The following WDR59 variants were observed in gnomAD, a reference collection of about 807,000 sequenced individuals.
The protein encoded by WDR59 is WD repeat domain 59, also known as GATOR2 complex protein WDR59.
Under a neutral mutation model 131.2 loss-of-function variants are expected in WDR59, and 100 were observed. The observed-to-expected ratio is 0.76, with a 90% CI of 0.65 to 0.90. WDR59 has a LOEUF of 0.90. WDR59 is among the 40% of genes least tolerant of loss of function. The pLI is 0.00. For missense variants in WDR59, 1,203 were observed against 1,262.2 expected (o/e 0.95, Z 0.71); for synonymous variants, 601 against 466.2 (o/e 1.29, Z -3.72).
chr16:74,891,000 G>A (rs1856818502), intron 20 of WDR59, among the ~76,000 whole-genome samples: 1 of 151,646 alleles, frequency 6.6e-6, no homozygotes, highest in Admixed American at 6.6e-5. Flanking sequence ...TGTAGTCCCA[G>A]CTACTTGGGA....
chr16:74,886,236 T>C, intron 24 of WDR59, 34 bp downstream of exon 24: 1 of 1,590,680 alleles, frequency 6.3e-7, no homozygotes, highest in Non-Finnish European at 8.6e-7. Context: ...CCTGGAGTCC[T>C]GGCATTGCAG....
intron 10 of WDR59, 63 bp from the exon 11 acceptor site, chr16:74,918,071 T>A (rs1966480038): frequency 2.6e-6 from 4 of 1,523,598 alleles, no homozygotes; most frequent in East Asian, 2.3e-5. Context: ...TTGCTAGAGG[T>A]TGAAATGGAG....
chr16:74,915,957 C>A lies in WDR59; in HGVS notation c.1137G>T (p.Glu379Asp). 1 of 1,614,220 alleles carries A rather than the reference C, an allele frequency of 6.2e-7. No homozygotes were observed. Among genetic ancestry groups the A allele is most frequent in the Non-Finnish European group, 8.5e-7 (1 of 1,180,024 alleles). ...KEDPPRNLLE[E>D]RKSDQLGLPQ... ...GCAGCCCCAGTTGATCTGATTTCCT[C>A]TCTTCCAGGAGATTTCTAGGGGGAT... Residue 379 changes from glutamate to aspartate, a missense_variant, in exon 13 of 26, where the codon GAG becomes GAT. Glu to Asp is a conservative substitution (Grantham distance 45). Transcript: ENST00000262144.
intron 2 of WDR59, among the ~76,000 whole-genome samples, chr16:74,960,222 T>C (rs1448311091): frequency 1.3e-5 from 2 of 151,888 alleles, no homozygotes; most frequent in African/African-American, 2.4e-5. Context: ...TCCCAGTTAC[T>C]TGGGAGGCTG....
At chr16:74,930,193 A>G (rs969131803) in intron 8 of WDR59, among the ~76,000 whole-genome samples, 8 of 152,234 alleles carry the variant, frequency 5.3e-5, no homozygotes, top group Non-Finnish European at 4.4e-5. Context: ...CTGAAAGGGT[A>G]TGATTAGAAT....
intron 4 of WDR59, among the ~76,000 whole-genome samples, chr16:74,950,952 T>A (rs1328851661): frequency 6.8e-6 from 1 of 146,962 alleles, no homozygotes; most frequent in Non-Finnish European, 1.5e-5. Context: ...AGTTAGGAGT[T>A]CAAGACCAGC....
chr16:74,947,357 C>T (rs2032714107), intron 6 of WDR59, among the ~76,000 whole-genome samples: 1 of 151,956 alleles, frequency 6.6e-6, no homozygotes, highest in Admixed American at 6.6e-5. Flanking sequence ...GCCTGGGCAA[C>T]AAGAGCAAAA....
At chr16:74,880,959 AC>A (rs2144767271) in intron 25 of WDR59, among the ~76,000 whole-genome samples, 1 of 152,328 alleles carries the variant, frequency 6.6e-6, no homozygotes, top group Admixed American at 6.5e-5. Context: ...AATATACTGA[AC>A]CAGTAAACTG....
intron 25 of WDR59, among the ~76,000 whole-genome samples, chr16:74,881,900 A>T (rs1866218861): frequency 6.6e-6 from 1 of 151,942 alleles, no homozygotes. Context: ...AAAAAAAGAA[A>T]AAAAAAAGGA....
chr16:74,960,200 G>A (rs547617848), intron 2 of WDR59, among the ~76,000 whole-genome samples: 3 of 151,928 alleles, frequency 2.0e-5, no homozygotes, highest in Non-Finnish European at 2.9e-5. Flanking sequence ...GCATGGCAGC[G>A]TGAGCCTGTA....
intron 4 of WDR59, among the ~76,000 whole-genome samples, chr16:74,950,607 A>C (rs1053239774): frequency 4.6e-5 from 7 of 152,142 alleles, no homozygotes; most frequent in Non-Finnish European, 8.8e-5. Context: ...CACCTTTCCC[A>C]GCACTTCCAG....
At chr16:74,948,367 G>C (rs943105711) in intron 6 of WDR59, 152 bp downstream of exon 6, 2 of 749,656 alleles carry the variant, frequency 2.7e-6, no homozygotes, top group Admixed American at 2.3e-5. Context: ...AACAACATGA[G>C]ACTTACAATT....
At chr16:74,919,603 A>C (rs1429162941) in intron 10 of WDR59, among the ~76,000 whole-genome samples, 2 of 151,936 alleles carry the variant, frequency 1.3e-5, no homozygotes, top group African/African-American at 2.4e-5. Context: ...TTGGCCTCCC[A>C]AAGTGCTGGG....
Position 74,908,960 on chromosome 16 carries a change from T to C in WDR59, c.1660A>G (p.Thr554Ala), listed in dbSNP as rs1297238699. Residue 554 changes from threonine to alanine, a missense_variant, in exon 17 of 26, where the codon ACA becomes GCA. Physicochemically the swap from Thr to Ala is moderately conservative, Grantham distance 58 (BLOSUM62 0). Transcript: ENST00000262144. ...GCCCGATGCATTGTCATGGGCCTTG[T>C]GAAATATACCAGGTAACCTAAAGGA... ...FCGAGYLVYF[T>A]RPMTMHRAVS... 1 of 1,613,886 alleles carries C rather than the reference T, an allele frequency of 6.2e-7. No homozygotes were observed. The highest frequency in any genetic ancestry group is 8.5e-7 in the Non-Finnish European group (1 of 1,179,928).
chr16:74,911,276 T>A (rs551568185), intron 14 of WDR59, among the ~76,000 whole-genome samples: 2 of 152,314 alleles, frequency 1.3e-5, no homozygotes, highest in South Asian at 4.1e-4. Flanking sequence ...ATATTCAGAT[T>A]CCAAGTTTAA....
chr16:74,899,102 C>G (rs917330808), intron 18 of WDR59, among the ~76,000 whole-genome samples: 1 of 151,890 alleles, frequency 6.6e-6, no homozygotes, highest in Non-Finnish European at 1.5e-5. Context: ...GGGAAATGGC[C>G]AATAGGAGTA....
At position 74,981,645 on chromosome 16, in the gene WDR59, TATATA is replaced by T. The variant is rs2034423619; in HGVS notation, c.54+3314_54+3318del. 1.4e-3 allele frequency among the ~76,000 whole-genome samples: 19 copies of T among 13,226 alleles called. 2 individuals carry two copies. Among genetic ancestry groups the T allele is most frequent in the African/African-American group, 5.4e-3 (19 of 3,520 alleles). 8.7% of individuals were successfully genotyped at this position (13,226 alleles called of 152,430 possible). ...ATATATATATATATATATATATATA[TATATA>T]TATATATATATTTTTTTTTTTTTTA... On this transcript the variant is annotated intron_variant, in intron 1 of 25. Transcript: ENST00000262144.
intron 1 of WDR59, among the ~76,000 whole-genome samples, chr16:74,966,053 G>A (rs186371793): frequency 2.6e-4 from 40 of 152,170 alleles, no homozygotes; most frequent in Admixed American, 5.9e-4. Context: ...TGCCCAGGCT[G>A]GACTCCAACT....
chr16:74,914,582 T>TTA (rs1436082499), intron 13 of WDR59, among the ~76,000 whole-genome samples: 5 of 138,488 alleles, frequency 3.6e-5, no homozygotes, highest in Non-Finnish European at 7.6e-5. Flanking sequence ...CTAAAACCAC[T>TTA]TACAGCAGAC....
Sources: allele counts gnomAD v4.1 joint callset (sites outside exome capture counted in the v4.1 genomes callset), GRCh38; gene constraint gnomAD v4.1.1; transcripts MANE v1.5; gene names NCBI Gene and HGNC (gene_info 2026-07-23, HGNC 2026-07-21).